POM121: variants seen among roughly 807,000 people sequenced by gnomAD.
The protein encoded by POM121 is nuclear envelope pore membrane protein POM 121.
Under a neutral mutation model 81.3 loss-of-function variants are expected in POM121, and 32 were observed. The ratio of observed to expected loss-of-function variants is 0.39; its 90% CI spans 0.30 to 0.53. The LOEUF is 0.53. POM121 is among the 20% of genes least tolerant of loss of function. The pLI is 0.66. For missense variants in POM121, 1,138 were observed against 1,614.6 expected, an observed-to-expected ratio of 0.70 and a Z score of 5.06; for synonymous variants, 514 against 694.2, an observed-to-expected ratio of 0.74 and a Z score of 4.08.
intron 3 of POM121, among the ~76,000 whole-genome samples, chr7:72,909,612 G>T (rs548589168): frequency 6.6e-6 from 1 of 152,122 alleles, no homozygotes; most frequent in South Asian, 2.1e-4. Context: ...AGCTCTTCTG[G>T]CCTCCCACAC....
chr7:72,909,966 C>T (rs1337625209), intron 3 of POM121, among the ~76,000 whole-genome samples: 1 of 152,204 alleles, frequency 6.6e-6, no homozygotes, highest in Admixed American at 6.5e-5. Context: ...AGTTTGAAAC[C>T]TCAGAGTATT....
At chr7:72,906,076 G>A (rs1261629073) in intron 3 of POM121, among the ~76,000 whole-genome samples, 3 of 152,150 alleles carry the variant, frequency 2.0e-5, no homozygotes, top group East Asian at 1.9e-4. Context: ...TTTGCAAAGC[G>A]TTTCTTCCTT....
rs1453167038 is a variant in POM121, at chr7:72,925,231, T to C, written c.110T>C (p.Leu37Pro). 6.5e-7 allele frequency: 1 copy of C among 1,533,464 alleles called. No individual in the cohort carries two copies. The highest frequency in any genetic ancestry group is 2.0e-5 in the Admixed American group (1 of 50,934). 95.0% of individuals were successfully genotyped at this position (1,533,464 alleles called of 1,614,324 possible). The stretch of plus-strand genomic sequence containing the variant: ...GGCGGGCCGGCCAGGGCGGTGCTCC[T>C]GGGCCTGTCGCTGGTTGGCCTCTTA... ...GCGGPARAVLLGLSLVGLLLY... is the reference protein window; with the variant it reads ...GCGGPARAVLPGLSLVGLLLY... The change falls in exon 1 of 13, where the codon CTG becomes CCG. Residue 37 changes from leucine to proline, a missense_variant. Leu to Pro is a moderately conservative substitution (Grantham distance 98, BLOSUM62 -3). Around this residue, in one of 7 missense-constraint regions of POM121, gnomAD observed 646 missense variants for 633.5 expected, o/e 1.02. Transcript: ENST00000434423.
At chr7:72,920,216 A>T (rs1356086663), upstream of POM121, among the ~76,000 whole-genome samples, 1 of 151,894 alleles carries the variant, frequency 6.6e-6, no homozygotes, top group African/African-American at 2.4e-5. Context: ...GTTTGGGGTT[A>T]GTTTGGATCA....
At chr7:72,900,660 C>T (rs754911270) in intron 3 of POM121, among the ~76,000 whole-genome samples, 3 of 152,018 alleles carry the variant, frequency 2.0e-5, no homozygotes, top group South Asian at 4.2e-4. Context: ...CATGCAATCA[C>T]GCCTGGCTAA....
intron 3 of POM121, among the ~76,000 whole-genome samples, chr7:72,905,293 T>G (rs1386694394): frequency 6.6e-6 from 1 of 152,244 alleles, no homozygotes; most frequent in Non-Finnish European, 1.5e-5. Context: ...TATTTAAAAG[T>G]GTATTTAATT....
At chr7:72,928,683 A>C (rs1795715192) in intron 4 of POM121, among the ~76,000 whole-genome samples, 1 of 152,212 alleles carries the variant, frequency 6.6e-6, no homozygotes, top group Non-Finnish European at 1.5e-5. Context: ...AAATATGCTG[A>C]GACTTAAGAG....
downstream of POM121, chr7:72,949,008 G>A (rs1202993393): frequency 4.3e-6 from 7 of 1,610,874 alleles, 1 homozygote; most frequent in African/African-American, 6.7e-5. Context: ...TGAGCGCGTG[G>A]CACAGGGCTC....
Position 72,919,775 on chromosome 7 carries a change from C to T in POM121, c.-152+5947C>T, listed in dbSNP as rs563092663. Among the ~76,000 whole-genome samples, 13 of 152,304 alleles carry T rather than the reference C, an allele frequency of 8.5e-5. No individual in the cohort carries two copies. The South Asian group carries it at 1.0e-3, about 12-fold the overall frequency. On this transcript the variant is annotated intron_variant, in intron 4 of 15. Coordinates refer to the POM121 transcript ENST00000395270. ...CCAGCTTTTATGTGTCTGAAAATAT[C>T]TTTATTTCACTTCGCTAAAATATAT...
At chr7:72,929,589 C>A (rs1419149501) in intron 4 of POM121, among the ~76,000 whole-genome samples, 2 of 152,140 alleles carry the variant, frequency 1.3e-5, no homozygotes, top group Non-Finnish European at 2.9e-5. Flanking sequence ...GTGGAACCAT[C>A]CCACCACTAA....
Position 72,905,209 on chromosome 7 carries a change from C to T in POM121, c.-215-8556C>T, listed in dbSNP as rs542411422. Among the ~76,000 whole-genome samples, 115 of 152,218 alleles carry T rather than the reference C, an allele frequency of 7.6e-4. 1 individual carries two copies. The highest frequency in any genetic ancestry group is 5.1e-3 in the Admixed American group (78 of 15,272). ...CCATTTTTGCTGATATCAGTCAACA[C>T]GTTATATTTTCACTTTTAAATAATT... On this transcript the variant is annotated intron_variant, in intron 3 of 15. Coordinates refer to the POM121 transcript ENST00000395270.
At chr7:72,899,762 G>A (rs1239497983) in intron 3 of POM121, among the ~76,000 whole-genome samples, 4 of 151,782 alleles carry the variant, frequency 2.6e-5, no homozygotes, top group African/African-American at 4.8e-5. Context: ...TCTATTTTTA[G>A]TAGAGATGGG....
At chr7:72,886,598 T>A (rs551136334) in intron 1 of POM121, among the ~76,000 whole-genome samples, 269 of 152,296 alleles carry the variant, frequency 1.8e-3, no homozygotes, top group Middle Eastern at 3.4e-3. Context: ...CCTGAAGGAG[T>A]TTCTTTAACA....
intron 11 of POM121, among the ~76,000 whole-genome samples, chr7:72,945,150 C>T (rs542447639): frequency 7.1e-4 from 108 of 152,154 alleles, no homozygotes; most frequent in African/African-American, 2.4e-3. Flanking sequence ...AGGGCAAGGC[C>T]GGGGAAGGGA....
intron 11 of POM121, 27 bp from the exon 12 acceptor site, chr7:72,945,559 G>T: frequency 1.2e-6 from 2 of 1,613,058 alleles, no homozygotes; most frequent in Non-Finnish European, 1.7e-6. Context: ...CTGCTCACTG[G>T]CCAGCTCTCT....
chr7:72,912,617 C>T (rs1293133682), intron 3 of POM121, among the ~76,000 whole-genome samples: 7 of 152,012 alleles, frequency 4.6e-5, no homozygotes, highest in African/African-American at 1.2e-4. Flanking sequence ...TCTACTAAAA[C>T]GCGCACACAA....
Position 72,947,147 on chromosome 7 carries a change from G to T in POM121, c.*913G>T. On this transcript the variant is annotated 3_prime_UTR_variant, in exon 13 of 13. Transcript: ENST00000434423. ...TCGAGTTTGGAGGAAGAGTTGAGTT[G>T]TATGAGTGGCGGCATGTTGGTAGTG... The T allele has an allele frequency of 3.9e-6, 2 of 517,980 alleles. 1 individual carries two copies. The highest frequency in any genetic ancestry group is 4.6e-6 in the Non-Finnish European group (2 of 433,658). 32.1% of individuals were successfully genotyped at this position (517,980 alleles called of 1,614,324 possible).
chr7:72,894,873 G>C (rs1272443484), intron 3 of POM121, among the ~76,000 whole-genome samples: 1 of 152,142 alleles, frequency 6.6e-6, no homozygotes, highest in Non-Finnish European at 1.5e-5. Flanking sequence ...TGTTGCCCAG[G>C]CTGGAGTGCT....
At chr7:72,884,765 A>G (rs752310342) in intron 1 of POM121, among the ~76,000 whole-genome samples, 73 of 149,570 alleles carry the variant, frequency 4.9e-4, no homozygotes, top group Admixed American at 1.2e-3. Context: ...ATATTTATAT[A>G]TATATATTTT....
Sources: allele counts gnomAD v4.1 joint callset (sites outside exome capture counted in the v4.1 genomes callset), GRCh38; gene constraint gnomAD v4.1.1; regional missense constraint gnomAD v4.1.1; transcripts MANE v1.5; gene names NCBI Gene and HGNC (gene_info 2026-07-23, HGNC 2026-07-21).